WDR41: variants seen among roughly 807,000 people sequenced by gnomAD.
WDR41 encodes the protein WD repeat-containing protein 41.
WDR41 carries 63 observed loss-of-function variants against 69.3 expected under a neutral mutation model. The ratio of observed to expected loss-of-function variants is 0.91; its 90% CI spans 0.74 to 1.12. The LOEUF (loss-of-function observed/expected upper bound fraction) is 1.12. WDR41 is among the 50% of genes most tolerant of loss of function. The pLI is 0.00. For synonymous variants in WDR41, 185 were observed against 192.1 expected (o/e 0.96, Z 0.31); for missense variants, 543 against 534.5 (o/e 1.02, Z -0.16).
At chr5:77,610,423 C>T (rs1054524689) in intron 1 of WDR41, among the ~76,000 whole-genome samples, 2 of 152,190 alleles carry the variant, frequency 1.3e-5, no homozygotes, top group Non-Finnish European at 2.9e-5. Context: ...GGGTTACCCA[C>T]AAAGGGAAGC....
chr5:77,584,261 A>G (rs963690891), intron 1 of WDR41, among the ~76,000 whole-genome samples: 5 of 152,206 alleles, frequency 3.3e-5, no homozygotes, highest in African/African-American at 1.2e-4. Flanking sequence ...AGAAAAAGAA[A>G]TAAAAGACAT....
Position 77,433,111 on chromosome 5 carries a change from C to A in WDR41, c.*24G>T. 1 of 1,598,976 alleles carries A rather than the reference C, an allele frequency of 6.3e-7. No individual in the cohort carries two copies. On this transcript the variant is annotated 3_prime_UTR_variant, in exon 13 of 13. Transcript: ENST00000296679. ...CGATATTTGATGTTCAAGGTTCATG[C>A]ATGTGTATTTTTAATTCCTTAAACT...
chr5:77,503,570 T>C (rs1172918075), intron 1 of WDR41, among the ~76,000 whole-genome samples: 1 of 152,202 alleles, frequency 6.6e-6, no homozygotes, highest in Non-Finnish European at 1.5e-5. Flanking sequence ...TAACAGAATG[T>C]ACATTCTTCT....
At chr5:77,447,861 C>A (rs891815853) in intron 8 of WDR41, among the ~76,000 whole-genome samples, 6 of 152,152 alleles carry the variant, frequency 3.9e-5, no homozygotes, top group Non-Finnish European at 7.3e-5. Context: ...ACATTCTGCA[C>A]ATGTATCCCA....
intron 1 of WDR41, among the ~76,000 whole-genome samples, chr5:77,606,460 C>G (rs1026815855): frequency 6.6e-6 from 1 of 152,122 alleles, no homozygotes; most frequent in Non-Finnish European, 1.5e-5. Flanking sequence ...ATGGCCAACT[C>G]AAATGGATAC....
At chr5:77,549,191 C>T (rs1308471623) in intron 1 of WDR41, among the ~76,000 whole-genome samples, 1 of 152,036 alleles carries the variant, frequency 6.6e-6, no homozygotes, top group Non-Finnish European at 1.5e-5. Flanking sequence ...TGTATACTGC[C>T]TGGGTGATGG....
chr5:77,587,981 A>G (rs1364544420), intron 1 of WDR41, among the ~76,000 whole-genome samples: 1 of 152,138 alleles, frequency 6.6e-6, no homozygotes, highest in African/African-American at 2.4e-5. Flanking sequence ...AAGAACATAA[A>G]TTTTTATTGT....
chr5:77,526,644 A>G (rs1802451022), intron 1 of WDR41, among the ~76,000 whole-genome samples: 2 of 152,108 alleles, frequency 1.3e-5, no homozygotes, highest in Non-Finnish European at 1.5e-5. Flanking sequence ...ATTACTACAG[A>G]TATCCTTCCT....
intron 1 of WDR41, among the ~76,000 whole-genome samples, chr5:77,525,503 C>A (rs1034178934): frequency 5.3e-5 from 8 of 152,062 alleles, no homozygotes; most frequent in African/African-American, 1.7e-4. Context: ...CACAGAGAGA[C>A]CAACTCTTTC....
chr5:77,492,392 G>T, upstream of WDR41: 1 of 825,526 alleles, frequency 1.2e-6, no homozygotes, highest in Non-Finnish European at 1.8e-6. Context: ...GAGAATTTTT[G>T]TCCCCAAAGC....
intron 2 of WDR41, among the ~76,000 whole-genome samples, chr5:77,465,689 TC>T (rs1409268546): frequency 4.0e-5 from 6 of 150,566 alleles, no homozygotes; most frequent in Non-Finnish European, 7.4e-5. Flanking sequence ...TTTAAAGTTG[TC>T]CCCATAATAT....
At chr5:77,608,963 T>C (rs1744483890) in intron 1 of WDR41, among the ~76,000 whole-genome samples, 1 of 152,198 alleles carries the variant, frequency 6.6e-6, no homozygotes, top group Admixed American at 6.5e-5. Context: ...ATACTGCGCT[T>C]TTCCGACGGG....
intron 1 of WDR41, among the ~76,000 whole-genome samples, chr5:77,528,721 T>C (rs764765571): frequency 4.6e-5 from 7 of 151,682 alleles, no homozygotes; most frequent in Admixed American, 1.3e-4. Flanking sequence ...TGCAAGGCTG[T>C]ACTAACACAC....
chr5:77,539,568 G>A (rs1743052316), intron 1 of WDR41, among the ~76,000 whole-genome samples: 1 of 152,064 alleles, frequency 6.6e-6, no homozygotes, highest in African/African-American at 2.4e-5. Flanking sequence ...TATTAAAAAG[G>A]CAATACAGTA....
intron 1 of WDR41, among the ~76,000 whole-genome samples, chr5:77,583,314 A>C (rs910072522): frequency 7.2e-5 from 11 of 152,008 alleles, no homozygotes; most frequent in African/African-American, 2.7e-4. Context: ...CAGGAGTTCA[A>C]GACCAGCCTG....
chr5:77,497,161 A>G (rs1010214936), upstream of WDR41, among the ~76,000 whole-genome samples: 7 of 152,200 alleles, frequency 4.6e-5, no homozygotes, highest in African/African-American at 1.2e-4. Context: ...AAAAAATTGG[A>G]GGAGAAAATA....
At chr5:77,457,254 T>C (rs1799870186) in intron 5 of WDR41, among the ~76,000 whole-genome samples, 1 of 152,188 alleles carries the variant, frequency 6.6e-6, no homozygotes, top group South Asian at 2.1e-4. Context: ...TAAATCTCAC[T>C]TAGTCATGGT....
intron 5 of WDR41, among the ~76,000 whole-genome samples, chr5:77,456,098 A>G (rs556476681): frequency 6.6e-6 from 1 of 152,232 alleles, no homozygotes; most frequent in Admixed American, 6.5e-5. Context: ...TGCACTCAGG[A>G]TGTCTTTCCA....
At chr5:77,501,763 C>T (rs547068076) in intron 1 of WDR41, among the ~76,000 whole-genome samples, 1 of 152,088 alleles carries the variant, frequency 6.6e-6, no homozygotes, top group Non-Finnish European at 1.5e-5. Flanking sequence ...GGACCTCCAG[C>T]AAACTCCAAC....
Sources: gnomAD v4.1 joint callset for allele counts (sites outside exome capture counted in the v4.1 genomes callset) on GRCh38, gnomAD v4.1.1 for gene constraint, MANE v1.5 for transcripts, NCBI Gene and HGNC (gene_info 2026-07-23, HGNC 2026-07-21) for gene names.